Variants in EDA observed in about 807,000 individuals in gnomAD.
EDA encodes the protein ectodysplasin-A.
EDA carries 2 observed loss-of-function variants against 23.6 expected under a neutral mutation model. The ratio of observed to expected loss-of-function variants is 0.08; its 90% CI spans 0.03 to 0.27. The LOEUF is 0.27. EDA is among the 10% of genes least tolerant of loss of function. EDA has a pLI of 1.00. For missense variants in EDA, 229 were observed against 324.2 expected (o/e 0.71, Z 2.26); for synonymous variants, 131 against 132.0 (o/e 0.99, Z 0.05).
intron 1 of EDA, among the ~76,000 whole-genome samples, chrX:69,682,098 G>T (rs747710481): frequency 9.8e-5 from 11 of 112,120 alleles, no homozygotes; most frequent in East Asian, 5.6e-4. Flanking sequence ...GTGTCAGTCT[G>T]CCCCTGCTGG....
chrX:69,758,384 A>G (rs746733790), intron 1 of EDA, among the ~76,000 whole-genome samples: 1 of 112,180 alleles, frequency 8.9e-6, no homozygotes, highest in Non-Finnish European at 1.9e-5. Context: ...AAGAAGATTC[A>G]GTGTCAAGGT....
chrX:69,653,548 TG>T (rs1299758373), intron 1 of EDA, among the ~76,000 whole-genome samples: 3 of 111,339 alleles, frequency 2.7e-5, no homozygotes, highest in South Asian at 7.6e-4. Flanking sequence ...ATCCCTATCT[TG>T]TGCCCGTTTT....
chrX:69,751,633 C>T (rs774177619), intron 1 of EDA, among the ~76,000 whole-genome samples: 9 of 111,937 alleles, frequency 8.0e-5, no homozygotes, highest in East Asian at 2.8e-4. Context: ...GCCATTTTCA[C>T]GATATTGATT....
intron 1 of EDA, among the ~76,000 whole-genome samples, chrX:69,713,765 C>A (rs941976077): frequency 6.3e-5 from 7 of 111,567 alleles, no homozygotes; most frequent in African/African-American, 2.3e-4. Context: ...TAACCAGTCA[C>A]CTGTTGAAGG....
At chrX:69,940,350 T>C (rs1225074461) in intron 1 of EDA, among the ~76,000 whole-genome samples, 3 of 110,860 alleles carry the variant, frequency 2.7e-5, no homozygotes, top group Non-Finnish European at 5.7e-5. Flanking sequence ...ACCAGTTTCT[T>C]CTAGATTTTT....
intron 2 of EDA, among the ~76,000 whole-genome samples, chrX:69,966,330 A>G (rs1256228808): frequency 1.8e-5 from 2 of 111,625 alleles, no homozygotes; most frequent in Non-Finnish European, 3.8e-5. Context: ...CTGTAATCCC[A>G]ACACTTTGGG....
intron 2 of EDA, among the ~76,000 whole-genome samples, chrX:69,968,167 A>G (rs1365918103): frequency 8.9e-6 from 1 of 111,942 alleles, no homozygotes; most frequent in East Asian, 2.8e-4. Context: ...AAGGTGATAG[A>G]TAAGTACTTA....
chrX:69,915,211 C>A (rs933704249), intron 1 of EDA, among the ~76,000 whole-genome samples: 1 of 111,655 alleles, frequency 9.0e-6, no homozygotes, highest in African/African-American at 3.3e-5. Context: ...TGTAGCCTTT[C>A]ATATAGAAAG....
chrX:69,698,714 C>T (rs1457963748), intron 1 of EDA, among the ~76,000 whole-genome samples: 1 of 110,971 alleles, frequency 9.0e-6, no homozygotes, highest in African/African-American at 3.3e-5. Flanking sequence ...GTGAGTTGGG[C>T]TTTAAGGACA....
chrX:69,792,387 G>C (rs1415919958), intron 1 of EDA, among the ~76,000 whole-genome samples: 3 of 111,921 alleles, frequency 2.7e-5, no homozygotes, highest in African/African-American at 9.8e-5. Flanking sequence ...CACTTAGGTT[G>C]CTCCCATATT....
At chrX:69,996,609 T>A (rs1277383361) in intron 2 of EDA, among the ~76,000 whole-genome samples, 1 of 111,890 alleles carries the variant, frequency 8.9e-6, no homozygotes, top group African/African-American at 3.3e-5. Flanking sequence ...GAAATTAAAT[T>A]TCCTTTCCCA....
chrX:69,838,956 A>G (rs2016839802), intron 1 of EDA, among the ~76,000 whole-genome samples: 2 of 112,250 alleles, frequency 1.8e-5, no homozygotes, highest in Non-Finnish European at 3.8e-5. Context: ...ACACAAAGAA[A>G]TAAATGCAAA....
chrX:69,649,533 C>G (rs749052182), intron 1 of EDA, among the ~76,000 whole-genome samples: 1 of 110,433 alleles, frequency 9.1e-6, no homozygotes, highest in South Asian at 3.9e-4. Flanking sequence ...ATAAAATAAG[C>G]AAAGTGAATA....
intron 2 of EDA, among the ~76,000 whole-genome samples, chrX:69,997,579 A>G (rs2019676714): frequency 8.8e-6 from 1 of 113,115 alleles, no homozygotes; most frequent in African/African-American, 3.2e-5. Flanking sequence ...TTGCATAAGT[A>G]ATCAGAAGCC....
chrX:69,832,553 G>T (rs946733061), intron 1 of EDA, among the ~76,000 whole-genome samples: 2 of 111,175 alleles, frequency 1.8e-5, no homozygotes, highest in African/African-American at 6.5e-5. Context: ...ATTTAAAGTA[G>T]TTTTTTTTCC....
chrX:69,780,885 A>C (rs2014921481), intron 1 of EDA, among the ~76,000 whole-genome samples: 1 of 111,329 alleles, frequency 9.0e-6, no homozygotes, highest in Admixed American at 9.6e-5. Flanking sequence ...AGTCTCACCT[A>C]GTTATTTATA....
chrX:70,023,013 T>G, intron 2 of EDA: 1 of 312,596 alleles, frequency 3.2e-6, no homozygotes, highest in Non-Finnish European at 5.9e-6. Context: ...GGGAAGAATC[T>G]TCCTTGAAAC....
At chrX:69,897,541 C>A (rs766011485) in intron 1 of EDA, among the ~76,000 whole-genome samples, 16 of 112,184 alleles carry the variant, frequency 1.4e-4, no homozygotes, top group Non-Finnish European at 1.7e-4. Context: ...GAAACTATTT[C>A]TTTTCAATAG....
chrX:69,712,045 T>C (rs1234607903), intron 1 of EDA, among the ~76,000 whole-genome samples: 5 of 110,979 alleles, frequency 4.5e-5, no homozygotes, highest in Non-Finnish European at 9.5e-5. Context: ...AGCTTTTGAA[T>C]GTGTTTGCTC....
Sources: gnomAD v4.1 joint callset for allele counts (sites outside exome capture counted in the v4.1 genomes callset) on GRCh38, gnomAD v4.1.1 for gene constraint, MANE v1.5 for transcripts, NCBI Gene and HGNC (gene_info 2026-07-23, HGNC 2026-07-21) for gene names.